The following OSGEP variants were observed in gnomAD, a reference collection of about 807,000 sequenced individuals.
OSGEP encodes the protein O-sialoglycoprotein endopeptidase, also known as tRNA N6-adenosine threonylcarbamoyltransferase.
OSGEP carries 39 observed loss-of-function variants against 44.1 expected under a neutral mutation model. That is an observed-to-expected ratio of 0.88 (90% CI 0.69 to 1.16). The LOEUF is 1.16. Among genes scored for constraint, OSGEP ranks in the 50% most tolerant of loss-of-function variants. The pLI is 0.00. For synonymous variants in OSGEP, 139 were observed against 161.9 expected (o/e 0.86, Z 1.07); for missense variants, 403 against 443.1 (o/e 0.91, Z 0.81).
Position 20,449,285 on chromosome 14 carries a change from T to A in OSGEP, c.412-19A>T. The A allele has an allele frequency of 7.1e-7, 1 of 1,417,050 alleles. No homozygotes were observed. Among genetic ancestry groups the A allele is most frequent in the Non-Finnish European group, 1.0e-6 (1 of 1,000,020 alleles). 87.8% of individuals were successfully genotyped at this position (1,417,050 alleles called of 1,614,324 possible). A position where few individuals can be genotyped will look rare whatever the true frequency, so the allele number is the denominator to read the frequency against. ...CAATCACCTAAGGGTGATGAGGAAGTCCATGAAACCCCAAGTCTGTAAAGA... is the reference window on the plus strand; with the variant it reads ...CAATCACCTAAGGGTGATGAGGAAGACCATGAAACCCCAAGTCTGTAAAGA... On this transcript the variant is annotated intron_variant, in intron 3 of 10. Coordinates refer to ENST00000206542, the MANE Select transcript of OSGEP (RefSeq NM_017807.4).
rs1880968468 is a variant in OSGEP, at chr14:20,447,192, CTTT to C, written c.*45_*47del. 6.4e-7 allele frequency: 1 copy of C among 1,550,612 alleles called. No individual in the cohort carries two copies. Among genetic ancestry groups the C allele is most frequent in the Non-Finnish European group, 8.9e-7 (1 of 1,122,198 alleles). ...AGGATAGAGATTGAGGCACGGGGTC[CTTT>C]GGGTTCCGATTAAGGAACTATCTAC... On this transcript the variant is annotated 3_prime_UTR_variant, in exon 11 of 11. Coordinates refer to ENST00000206542, the MANE Select transcript of OSGEP (RefSeq NM_017807.4).
chr14:20,449,439 G>A (rs1375199281), intron 3 of OSGEP, 173 bp from the exon 4 acceptor site: 3 of 602,146 alleles, frequency 5.0e-6, no homozygotes, highest in East Asian at 2.9e-5. Flanking sequence ...GATTTGAGAA[G>A]AAATCTGTAT....
At position 20,454,588 on chromosome 14, in the gene OSGEP, G is replaced by GT. The variant is rs1566511038; in HGVS notation, c.95dup (p.Tyr32Ter). The GT allele has an allele frequency of 5.6e-6, 9 of 1,613,606 alleles. No homozygotes were observed. Among genetic ancestry groups the GT allele is most frequent in the Middle Eastern group, 1.6e-4 (1 of 6,062 alleles). The change falls in exon 1 of 11, where the codon TAC becomes TAAC. Residue 32 changes from tyrosine (Y) to a stop codon, truncating the protein, a stop_gained and frameshift_variant. Transcript: ENST00000206542. LOFTEE classifies it high-confidence loss of function. ...ACCAACCTGTGCCAGGAGGCGTGAC[G>GT]TAAGTCCGCCGCGGGTTCGCCAGCA... ...GKVLANPRRT[Y>*]VTPPGTGFLP...
intron 7 of OSGEP, 32 bp from the exon 8 acceptor site, chr14:20,448,026 A>AG: frequency 6.3e-7 from 1 of 1,593,608 alleles, no homozygotes; most frequent in African/African-American, 1.3e-5. Flanking sequence ...AAAATATTAG[A>AG]GGGGCATCCC....
intron 3 of OSGEP, chr14:20,451,526 C>T: frequency 1.3e-5 from 2 of 158,686 alleles, no homozygotes; most frequent in Non-Finnish European, 2.8e-5. Context: ...AGGCTGGGCT[C>T]AAACTCCTGA....
At chr14:20,452,883 T>C (rs1207210517) in intron 1 of OSGEP, among the ~76,000 whole-genome samples, 10 of 152,096 alleles carry the variant, frequency 6.6e-5, no homozygotes, top group Non-Finnish European at 1.0e-4. Context: ...CTAACTTTTG[T>C]ATTTTTAGTA....
At position 20,447,601 on chromosome 14, in the gene OSGEP, GAA is replaced by G. The variant is rs528613769; in HGVS notation, c.869+12_869+13del. On this transcript the variant is annotated intron_variant, in intron 9 of 10. Coordinates refer to ENST00000206542, the MANE Select transcript of OSGEP (RefSeq NM_017807.4). ...GGAGAAGTAAAAAAGAAACCAAAGG[GAA>G]AGTGTCTTTACCTCTCATCTGTAGC... 1,231 of 1,611,800 alleles carry G rather than the reference GAA, an allele frequency of 7.6e-4. 3 individuals are homozygous for G. The highest frequency in any genetic ancestry group is 1.2e-3 in the South Asian group (110 of 91,024).
intron 6 of OSGEP, among the ~76,000 whole-genome samples, 179 bp downstream of exon 6, chr14:20,448,554 C>T (rs1881017920): frequency 6.6e-6 from 1 of 152,132 alleles, no homozygotes; most frequent in Admixed American, 6.5e-5. Flanking sequence ...TCTAGAACAG[C>T]ATGTGGCACA....
chr14:20,452,231 T>C, intron 2 of OSGEP, 82 bp from the exon 3 acceptor site: 1 of 1,581,418 alleles, frequency 6.3e-7, no homozygotes, highest in Non-Finnish European at 8.6e-7. Flanking sequence ...TGAGGTGGGG[T>C]AGGGGTAGTG....
rs540623183 is a variant in OSGEP, at chr14:20,448,669, G to A, written c.636+64C>T. 4 of 1,155,296 alleles carry A rather than the reference G, an allele frequency of 3.5e-6. No individual in the cohort carries two copies. The Admixed American group carries it at 6.8e-5, about 20-fold the overall frequency. 71.6% of individuals were successfully genotyped at this position (1,155,296 alleles called of 1,614,324 possible). On this transcript the variant is annotated intron_variant, in intron 6 of 10. Transcript: ENST00000206542. ...TGAGCTATACGAAATATAATCGTAA[G>A]TAAAACAGATATGCTTCATTTAAAA...
At chr14:20,447,395 A>T in intron 10 of OSGEP, 27 bp downstream of exon 10, 1 of 1,603,332 alleles carries the variant, frequency 6.2e-7, no homozygotes, top group Non-Finnish European at 8.5e-7. Context: ...CCAATAATCT[A>T]CCCTCACCAA....
chr14:20,447,818 T>A (rs1276064994), intron 8 of OSGEP, 86 bp downstream of exon 8: 4 of 1,248,112 alleles, frequency 3.2e-6, no homozygotes, highest in Non-Finnish European at 4.7e-6. Flanking sequence ...GGAAGCCTAC[T>A]CCAAACGCTT....
rs1444336794 is a variant in OSGEP at position 20,454,740 on chromosome 14, G to A, written c.-57C>T. ...TCCTGGCAATGTCAGGAGCTGTGGAGGTCCTCACTAGTCCGCGCTGGGCCG... is the reference window on the plus strand; with the variant it reads ...TCCTGGCAATGTCAGGAGCTGTGGAAGTCCTCACTAGTCCGCGCTGGGCCG... On this transcript the variant is annotated 5_prime_UTR_variant, in exon 1 of 11. Transcript: ENST00000206542. 1.5e-6 allele frequency: 2 copies of A among 1,305,438 alleles called. No individual in the cohort carries two copies. The highest frequency in any genetic ancestry group is 1.5e-5 in the African/African-American group (1 of 68,280). 80.9% of individuals were successfully genotyped at this position (1,305,438 alleles called of 1,614,324 possible).
intron 2 of OSGEP, 71 bp downstream of exon 2, chr14:20,452,258 G>C (rs1881122410): frequency 6.3e-7 from 1 of 1,597,846 alleles, no homozygotes; most frequent in African/African-American, 1.3e-5. Context: ...GCAGAGGTAA[G>C]GTGTTGGCTA....
chr14:20,446,960 A>T lies in OSGEP; in HGVS notation c.*280T>A. On this transcript the variant is annotated 3_prime_UTR_variant, in exon 11 of 11. Coordinates refer to ENST00000206542, the MANE Select transcript of OSGEP (RefSeq NM_017807.4). ...CCGTTTCTTAAAAAAAAAAAAAAAG[A>T]TACCTCATTCTTGGTTCCACAGCAG... The T allele has an allele frequency of 2.6e-6, 1 of 384,252 alleles. No individual in the cohort carries two copies. Among genetic ancestry groups the T allele is most frequent in the Non-Finnish European group, 4.7e-6 (1 of 214,606 alleles). The allele number at this position is 384,252 out of a possible 1,614,324, so 23.8% of individuals were successfully genotyped here. A position where few individuals can be genotyped will look rare whatever the true frequency, so the allele number is the denominator to read the frequency against.
At chr14:20,451,455 G>GC (rs1881097145) in intron 3 of OSGEP, 1 of 166,656 alleles carries the variant, frequency 6.0e-6, no homozygotes, top group East Asian at 1.9e-4. Context: ...ACAGGCACCT[G>GC]CCACCACATC....
intron 6 of OSGEP, 142 bp downstream of exon 6, chr14:20,448,591 A>T: frequency 1.5e-6 from 1 of 646,100 alleles, no homozygotes; most frequent in Non-Finnish European, 2.7e-6. Flanking sequence ...ATACCTTCTA[A>T]ATGAATTTAC....
chr14:20,452,186 T>C (rs778262845), intron 2 of OSGEP, 37 bp from the exon 3 acceptor site: 35 of 1,545,250 alleles, frequency 2.3e-5, no homozygotes, highest in Middle Eastern at 1.8e-4. Context: ...ATCCTAGAGA[T>C]TGGAAAAAAA....
rs1880982246 is a variant in OSGEP at position 20,447,643 on chromosome 14, C to T, written c.841G>A (p.Gly281Arg). 1 of 1,614,102 alleles carries T rather than the reference C, an allele frequency of 6.2e-7. No individual in the cohort carries two copies. ...EMMATMCQER[G>R]ARLFATDERF... is the part of the protein sequence containing the mutation. ...TCATCTGTAGCAAAAAGCCGGGCTCCACGTTCCTGGCACATTGTTGCCATC... is the reference window on the plus strand; with the variant it reads ...TCATCTGTAGCAAAAAGCCGGGCTCTACGTTCCTGGCACATTGTTGCCATC... Residue 281 changes from glycine to arginine, a missense_variant, in exon 9 of 11, where the codon GGA (glycine) becomes AGA (arginine). Gly to Arg is a moderately radical substitution (Grantham distance 125, BLOSUM62 -2). Transcript: ENST00000206542.
Sources: gnomAD v4.1 joint callset for allele counts (sites outside exome capture counted in the v4.1 genomes callset) on GRCh38, gnomAD v4.1.1 for gene constraint, MANE v1.5 for transcripts, NCBI Gene and HGNC (gene_info 2026-07-23, HGNC 2026-07-21) for gene names.